NOPCHAP1: variants seen among roughly 807,000 people sequenced by gnomAD.
NOPCHAP1 encodes the protein DNA damage-sensitive RNA 1.
In NOPCHAP1, 13 loss-of-function variants were observed where a neutral mutation model predicts 14.0. The ratio of observed to expected loss-of-function variants is 0.93; its 90% confidence interval spans 0.60 to 1.47. The LOEUF (loss-of-function observed/expected upper bound fraction) is 1.47. Among genes scored for constraint, NOPCHAP1 ranks in the 40% most tolerant of loss-of-function variants. The pLI is 0.00. For missense variants in NOPCHAP1, 230 were observed against 226.9 expected, an observed-to-expected ratio of 1.01 and a Z score of -0.09; for synonymous variants, 78 against 78.4, an observed-to-expected ratio of 1.00 and a Z score of 0.03.
At position 104,996,972 on chromosome 12, in the gene NOPCHAP1, G is replaced by A. The variant is rs1324760613; in HGVS notation, c.*2276G>A. 1 of 152,142 alleles carries A rather than the reference G, an allele frequency of 6.6e-6. No homozygotes were observed. Among genetic ancestry groups the A allele is most frequent in the Non-Finnish European group, 1.5e-5 (1 of 68,030 alleles). The allele number at this position is 152,142 out of a possible 1,614,324, so 9.4% of individuals were successfully genotyped here. A position where few individuals can be genotyped will look rare whatever the true frequency, so the allele number is the denominator to read the frequency against. The stretch of plus-strand genomic sequence containing the variant: ...CTCCATCCCTTTACTTTGAGCTTCT[G>A]AGTGTCACTGCATGTGAGGTGGGTC... On this transcript the variant is annotated 3_prime_UTR_variant, in exon 4 of 4. Transcript: ENST00000552951.
In NOPCHAP1 at chr12:104,994,444, C is replaced by T. The variant is rs779919602; in HGVS notation, c.340-34C>T. Reference sequence around the variant, plus strand: ...TATTACGACTTTTTAAGGAACTGCTCTGAAATAGATTTCCTGTCCACTACT... The same window carrying T: ...TATTACGACTTTTTAAGGAACTGCTTTGAAATAGATTTCCTGTCCACTACT... On this transcript the variant is annotated intron_variant, in intron 3 of 3. Transcript: ENST00000552951. The T allele has an allele frequency of 2.4e-5, 38 of 1,569,540 alleles. 1 individual carries two copies. Among genetic ancestry groups the T allele is most frequent in the Non-Finnish European group, 3.2e-5 (37 of 1,139,890 alleles).
At chr12:104,988,970 A>C (rs1873314215) in intron 2 of NOPCHAP1, among the ~76,000 whole-genome samples, 1 of 152,042 alleles carries the variant, frequency 6.6e-6, no homozygotes, top group African/African-American at 2.4e-5. Flanking sequence ...GAGGGATTAC[A>C]TACCTAGGAG....
In NOPCHAP1 at chr12:105,013,674, G is replaced by T. The variant is rs2136034540; in HGVS notation, c.*18978G>T. On this transcript the variant is annotated 3_prime_UTR_variant, in exon 4 of 4. Coordinates refer to ENST00000552951, the MANE Select transcript of NOPCHAP1 (RefSeq NM_152318.3). ...GACCGTGGGAAAAGCATAGTATCTG[G>T]GCCGGAGTGCACCGTTCCTCACGGC... The T allele has an allele frequency of 6.6e-6, 1 of 152,530 alleles. No individual in the cohort carries two copies. The highest frequency in any genetic ancestry group is 1.9e-4 in the East Asian group (1 of 5,196). 9.4% of individuals were successfully genotyped at this position (152,530 alleles called of 1,614,324 possible). A position where few individuals can be genotyped will look rare whatever the true frequency, so the allele number is the denominator to read the frequency against.
At position 105,016,368 on chromosome 12, in the gene NOPCHAP1, G is replaced by T. The variant is rs1364572529; in HGVS notation, c.*21672G>T. ...CTTTCTGTGTTAGCTACTAGTCTAA[G>T]AGTTACCACCACTCATACATATGTA... is the stretch of plus-strand genomic sequence containing the variant. On this transcript the variant is annotated 3_prime_UTR_variant, in exon 4 of 4. Transcript: ENST00000552951. 1 of 152,200 alleles carries T rather than the reference G, an allele frequency of 6.6e-6. No individual in the cohort carries two copies. The highest frequency in any genetic ancestry group is 1.5e-5 in the Non-Finnish European group (1 of 68,034). 9.4% of individuals were successfully genotyped at this position (152,200 alleles called of 1,614,324 possible).
chr12:104,993,060 C>T (rs1441575761), intron 3 of NOPCHAP1, among the ~76,000 whole-genome samples: 3 of 152,168 alleles, frequency 2.0e-5, no homozygotes, highest in Non-Finnish European at 4.4e-5. Context: ...TCGACTCCCT[C>T]TGTTTCTTTT....
chr12:104,991,784 C>T lies in NOPCHAP1; in HGVS notation c.275C>T (p.Ala92Val). Residue 92 changes from alanine to valine, a missense_variant, in exon 3 of 4, where the codon GCT becomes GTT. By Grantham distance (64) the Ala-to-Val change is moderately conservative. Coordinates refer to ENST00000552951, the MANE Select transcript of NOPCHAP1 (RefSeq NM_152318.3). ...GAAAAGCTAAGAAAAGAAATGGCAG[C>T]TGCACCACCTGGTCGTTTCAATATT... ...ANEKLRKEMA[A>V]APPGRFNIEN... 6.2e-7 allele frequency: 1 copy of T among 1,613,662 alleles called. No homozygotes were observed. The highest frequency in any genetic ancestry group is 1.3e-5 in the African/African-American group (1 of 75,028).
rs560016115 is a variant in NOPCHAP1, at chr12:105,013,999, T to G, written c.*19303T>G. ...TGCCAGCCAGCCGAGAGATCACTTT[T>G]TACTGTGATAGGCAATTTACTGCAG... On this transcript the variant is annotated 3_prime_UTR_variant, in exon 4 of 4. Transcript: ENST00000552951. 1 of 152,264 alleles carries G rather than the reference T, an allele frequency of 6.6e-6. No individual in the cohort carries two copies. Among genetic ancestry groups the G allele is most frequent in the Non-Finnish European group, 1.5e-5 (1 of 68,100 alleles). 9.4% of individuals were successfully genotyped at this position (152,264 alleles called of 1,614,324 possible).
chr12:104,994,380 A>T, intron 3 of NOPCHAP1, 98 bp from the exon 4 acceptor site: 1 of 1,119,312 alleles, frequency 8.9e-7, no homozygotes, highest in Non-Finnish European at 1.4e-6. Context: ...TTTATGTTTC[A>T]ATATGTTTGC....
In NOPCHAP1 at chr12:105,007,809, A is replaced by G. The variant is rs1294116516; in HGVS notation, c.*13113A>G. 1 of 152,266 alleles carries G rather than the reference A, an allele frequency of 6.6e-6. No individual in the cohort carries two copies. Among genetic ancestry groups the G allele is most frequent in the African/African-American group, 2.4e-5 (1 of 41,448 alleles). The allele number at this position is 152,266 out of a possible 1,614,324, so 9.4% of individuals were successfully genotyped here. Reference sequence around the variant, plus strand: ...GCTGAGAATGATGGTTTCCTGCTTCATCCCTGTCCCTGCAAAGGACATGAA... The same window carrying G: ...GCTGAGAATGATGGTTTCCTGCTTCGTCCCTGTCCCTGCAAAGGACATGAA... On this transcript the variant is annotated 3_prime_UTR_variant, in exon 4 of 4. Coordinates refer to ENST00000552951, the MANE Select transcript of NOPCHAP1 (RefSeq NM_152318.3).
chr12:105,003,879 C>T lies in NOPCHAP1; in HGVS notation c.*9183C>T, dbSNP rs570688295. 139 of 152,320 alleles carry T rather than the reference C, an allele frequency of 9.1e-4. No individual in the cohort carries two copies. Among genetic ancestry groups the T allele is most frequent in the African/African-American group, 2.9e-3 (121 of 41,580 alleles). The allele number at this position is 152,320 out of a possible 1,614,324, so 9.4% of individuals were successfully genotyped here. On this transcript the variant is annotated 3_prime_UTR_variant, in exon 4 of 4. Transcript: ENST00000552951. ...GTGCATGGTTTGATAACTTGACTGCCTATGACTGGCTGAAGCTCACCTGTT... is the reference window on the plus strand; with the variant it reads ...GTGCATGGTTTGATAACTTGACTGCTTATGACTGGCTGAAGCTCACCTGTT...
intron 3 of NOPCHAP1, 107 bp from the exon 4 acceptor site, chr12:104,994,371 T>C: frequency 9.3e-7 from 1 of 1,078,074 alleles, no homozygotes; most frequent in South Asian, 1.3e-5. Flanking sequence ...TTCTTATCCT[T>C]TATGTTTCAA....
In NOPCHAP1 at chr12:105,008,828, T is replaced by C. The variant is rs1488412264; in HGVS notation, c.*14132T>C. On this transcript the variant is annotated 3_prime_UTR_variant, in exon 4 of 4. Transcript: ENST00000552951. ...TATTATTTCTGAGGCCTCTGTTCTG[T>C]TCTGTTGGCCTGTATATCTCTTTTG... 6.6e-6 allele frequency: 1 copy of C among 152,220 alleles called. No homozygotes were observed. Among genetic ancestry groups the C allele is most frequent in the East Asian group, 1.9e-4 (1 of 5,202 alleles). 9.4% of individuals were successfully genotyped at this position (152,220 alleles called of 1,614,324 possible).
rs1873600786 is a variant in NOPCHAP1 at position 105,001,128 on chromosome 12, T to G, written c.*6432T>G. The stretch of plus-strand genomic sequence containing the variant: ...GGTAATACCATTGTGTTCGATTAAC[T>G]GTTTTAGCTGTTTTATAACTTGTCC... On this transcript the variant is annotated 3_prime_UTR_variant, in exon 4 of 4. Coordinates refer to ENST00000552951, the MANE Select transcript of NOPCHAP1 (RefSeq NM_152318.3). 3 of 152,232 alleles carry G rather than the reference T, an allele frequency of 2.0e-5. No individual in the cohort carries two copies. Among genetic ancestry groups the G allele is most frequent in the Middle Eastern group, 3.4e-3 (1 of 294 alleles). 9.4% of individuals were successfully genotyped at this position (152,232 alleles called of 1,614,324 possible). A position where few individuals can be genotyped will look rare whatever the true frequency, so the allele number is the denominator to read the frequency against.
rs769540377 is a variant in NOPCHAP1 at position 105,001,890 on chromosome 12, T to A, written c.*7194T>A. On this transcript the variant is annotated 3_prime_UTR_variant, in exon 4 of 4. Transcript: ENST00000552951. The stretch of plus-strand genomic sequence containing the variant: ...CTTTTGTTTTTCCATGTTTATTTCT[T>A]TTCTTTTTTTAATAGTACTTTGAGT... 1.2e-4 allele frequency: 18 copies of A among 152,230 alleles called. No homozygotes were observed. Among genetic ancestry groups the A allele is most frequent in the Non-Finnish European group, 2.2e-4 (15 of 68,038 alleles). The allele number at this position is 152,230 out of a possible 1,614,324, so 9.4% of individuals were successfully genotyped here. A position where few individuals can be genotyped will look rare whatever the true frequency, so the allele number is the denominator to read the frequency against.
chr12:104,993,893 A>T (rs1426159698), intron 3 of NOPCHAP1, among the ~76,000 whole-genome samples: 1 of 152,104 alleles, frequency 6.6e-6, no homozygotes, highest in Non-Finnish European at 1.5e-5. Context: ...TGCCTAACTC[A>T]TGTTAGTATT....
rs1234317985 is a variant in NOPCHAP1, at chr12:105,011,256, T to G, written c.*16560T>G. The G allele has an allele frequency of 6.6e-6, 1 of 152,324 alleles. No homozygotes were observed. The highest frequency in any genetic ancestry group is 2.1e-4 in the South Asian group (1 of 4,824). The allele number at this position is 152,324 out of a possible 1,614,324, so 9.4% of individuals were successfully genotyped here. On this transcript the variant is annotated 3_prime_UTR_variant, in exon 4 of 4. Transcript: ENST00000552951. ...TGCCCTTCTTTGTCTTTTTTGATCT[T>G]TGTTGGTTTAAAGTCTGTTTTATCG...
At position 105,000,042 on chromosome 12, in the gene NOPCHAP1, G is replaced by C. The variant is rs577700533; in HGVS notation, c.*5346G>C. The C allele has an allele frequency of 6.6e-6, 1 of 152,220 alleles. No individual in the cohort carries two copies. Among genetic ancestry groups the C allele is most frequent in the African/African-American group, 2.4e-5 (1 of 41,518 alleles). 9.4% of individuals were successfully genotyped at this position (152,220 alleles called of 1,614,324 possible). On this transcript the variant is annotated 3_prime_UTR_variant, in exon 4 of 4. Transcript: ENST00000552951. ...TTGCCTCCAACCTGTTCCCTTTATAGCATAATGTGTATAACCACATTTAGT... is the reference window on the plus strand; with the variant it reads ...TTGCCTCCAACCTGTTCCCTTTATACCATAATGTGTATAACCACATTTAGT...
At position 104,999,952 on chromosome 12, in the gene NOPCHAP1, A is replaced by G. The variant is rs1348274751; in HGVS notation, c.*5256A>G. On this transcript the variant is annotated 3_prime_UTR_variant, in exon 4 of 4. Coordinates refer to ENST00000552951, the MANE Select transcript of NOPCHAP1 (RefSeq NM_152318.3). ...TCTGAAGATCTGCTGGGAGTGCACC[A>G]GTCTTCCTGATATCCCAGTCTCTTG... The G allele has an allele frequency of 6.6e-6, 1 of 152,102 alleles. No homozygotes were observed. The highest frequency in any genetic ancestry group is 1.5e-5 in the Non-Finnish European group (1 of 68,056). The allele number at this position is 152,102 out of a possible 1,614,324, so 9.4% of individuals were successfully genotyped here.
In NOPCHAP1 at chr12:105,003,646, A is replaced by T. The variant is rs1465672376; in HGVS notation, c.*8950A>T. 1.3e-5 allele frequency: 2 copies of T among 152,250 alleles called. No individual in the cohort carries two copies. The highest frequency in any genetic ancestry group is 3.8e-4 in the East Asian group (2 of 5,206). 9.4% of individuals were successfully genotyped at this position (152,250 alleles called of 1,614,324 possible). ...GCCTTTGGACGCCACTTCTGACACC[A>T]AAAACTTAATTGTTAAAACCTCTAG... On this transcript the variant is annotated 3_prime_UTR_variant, in exon 4 of 4. Transcript: ENST00000552951.
Sources: allele counts gnomAD v4.1 joint callset (sites outside exome capture counted in the v4.1 genomes callset), GRCh38; gene constraint gnomAD v4.1.1; transcripts MANE v1.5; gene names NCBI Gene and HGNC (gene_info 2026-07-23, HGNC 2026-07-21).